Variants in LRRC8D observed in about 807,000 individuals in gnomAD.
LRRC8D encodes the protein volume-regulated anion channel subunit LRRC8D.
A neutral mutation model predicts 55.8 loss-of-function variants in LRRC8D; 20 were observed. The observed-to-expected ratio is 0.36, with a 90% confidence interval of 0.25 to 0.52. The LOEUF is 0.52. Ranked by LOEUF, LRRC8D falls within the 20% of genes least tolerant of loss-of-function variation. The probability of loss-of-function intolerance (pLI) is 0.93; values close to 1 mark genes in which losing one functional copy is unlikely to be tolerated. For synonymous variants in LRRC8D, 352 were observed against 377.0 expected (o/e 0.93, Z 0.77); for missense variants, 651 against 1,030.8 (o/e 0.63, Z 5.05).
intron 1 of LRRC8D, among the ~76,000 whole-genome samples, chr1:89,826,781 G>C (rs1660776041): frequency 1.3e-5 from 2 of 152,164 alleles, no homozygotes; most frequent in African/African-American, 4.8e-5. Context: ...GGAATTTCTA[G>C]GTTTGCAGAT....
rs1001957900 is a variant in LRRC8D, at chr1:89,843,719, G to A, written c.-66G>A. On this transcript the variant is annotated 5_prime_UTR_variant, in exon 2 of 3. Coordinates refer to ENST00000337338, the MANE Select transcript of LRRC8D (RefSeq NM_001134479.2). ...TCCTGTCGCCGTGGTTCCAGCCTCC[G>A]GAGCTCGCCCAAGCCGCGTCCCCAG... The A allele has an allele frequency of 1.4e-6, 1 of 701,642 alleles. No individual in the cohort carries two copies. The highest frequency in any genetic ancestry group is 2.7e-5 in the East Asian group (1 of 37,256). The allele number at this position is 701,642 out of a possible 1,614,324, so 43.5% of individuals were successfully genotyped here.
intron 2 of LRRC8D, among the ~76,000 whole-genome samples, chr1:89,872,936 A>C (rs1166894983): frequency 6.6e-6 from 1 of 152,246 alleles, no homozygotes; most frequent in Non-Finnish European, 1.5e-5. Flanking sequence ...GTTGAAATTA[A>C]GATAGCATCT....
intron 2 of LRRC8D, among the ~76,000 whole-genome samples, chr1:89,929,173 G>A (rs940354834): frequency 6.6e-6 from 1 of 152,222 alleles, no homozygotes; most frequent in Non-Finnish European, 1.5e-5. Flanking sequence ...TGTGATAAGG[G>A]CTGTGATGGG....
chr1:89,864,747 G>T (rs968610593), intron 2 of LRRC8D, among the ~76,000 whole-genome samples: 1 of 152,020 alleles, frequency 6.6e-6, no homozygotes, highest in Non-Finnish European at 1.5e-5. Context: ...AGACCTTGCC[G>T]CAGGAAACCT....
chr1:89,922,824 TAAACAAAG>T (rs1424669053), intron 2 of LRRC8D, among the ~76,000 whole-genome samples: 1 of 152,208 alleles, frequency 6.6e-6, no homozygotes, highest in Non-Finnish European at 1.5e-5. Flanking sequence ...GGCAGTAAAA[TAAACAAAG>T]GTTGAGATCT....
intron 1 of LRRC8D, among the ~76,000 whole-genome samples, chr1:89,840,502 C>T (rs368083157): frequency 3.1e-4 from 47 of 152,278 alleles, no homozygotes; most frequent in African/African-American, 1.0e-3. Flanking sequence ...GGCTGCCCTT[C>T]CCCCACAGCT....
chr1:89,895,174 C>A (rs1400567495), intron 2 of LRRC8D, among the ~76,000 whole-genome samples: 1 of 152,142 alleles, frequency 6.6e-6, no homozygotes, highest in African/African-American at 2.4e-5. Flanking sequence ...AATCAACATA[C>A]TGGGAACACA....
At chr1:89,843,436 G>A (rs1350939231) in intron 1 of LRRC8D, 1 of 374,078 alleles carries the variant, frequency 2.7e-6, no homozygotes, top group Non-Finnish European at 4.7e-6. Flanking sequence ...GGGGGCCCGG[G>A]CCGAGGCCGC....
intron 2 of LRRC8D, among the ~76,000 whole-genome samples, chr1:89,919,896 G>A (rs1663369128): frequency 6.6e-6 from 1 of 152,154 alleles, no homozygotes; most frequent in South Asian, 2.1e-4. Context: ...CTAGTAGAGG[G>A]TACACTAAGT....
intron 2 of LRRC8D, among the ~76,000 whole-genome samples, chr1:89,872,908 G>A (rs541589986): frequency 3.3e-5 from 5 of 152,182 alleles, no homozygotes; most frequent in African/African-American, 1.2e-4. Context: ...CACATGTTTA[G>A]GATAGGATTA....
rs186896194 is a variant in LRRC8D at position 89,839,185 on chromosome 1, C to T, written c.-147-4453C>T. Among the ~76,000 whole-genome samples, 95 of 152,342 alleles carry T rather than the reference C, an allele frequency of 6.2e-4. 1 individual carries two copies. Among genetic ancestry groups the T allele is most frequent in the African/African-American group, 2.2e-3 (93 of 41,580 alleles). On this transcript the variant is annotated intron_variant, in intron 1 of 2. Transcript: ENST00000337338. The stretch of plus-strand genomic sequence containing the variant: ...ACATCTGTGAGCCCTGCTGCTGCTT[C>T]TGTAACACATTAATAATGACACCTC...
chr1:89,856,354 A>G (rs1661553401), intron 2 of LRRC8D, among the ~76,000 whole-genome samples: 1 of 152,186 alleles, frequency 6.6e-6, no homozygotes, highest in Admixed American at 6.5e-5. Flanking sequence ...ACACACTCTC[A>G]GGTAAGGATA....
chr1:89,934,634 C>T lies in LRRC8D; in HGVS notation c.1566C>T (p.His522=). The T allele has an allele frequency of 6.2e-7, 1 of 1,614,204 alleles. No individual in the cohort carries two copies. Among genetic ancestry groups the T allele is most frequent in the East Asian group, 2.2e-5 (1 of 44,884 alleles). ...ACCTCCAAGAGCTCCACCTCTGCCA[C>T]TGCCCTGCAAAAGTTGAACAGACTG... is the stretch of plus-strand genomic sequence containing the variant. ...MTNLQELHLC[H]CPAKVEQTAF... Residue 522 remains histidine, a synonymous_variant, in exon 3 of 3, where the codon CAC becomes CAT. Coordinates refer to ENST00000337338, the MANE Select transcript of LRRC8D (RefSeq NM_001134479.2). The surrounding 1 kb of genome is among the most constrained non-coding windows in gnomAD (Gnocchi z 5.9).
At chr1:89,874,586 A>G (rs2100831940) in intron 2 of LRRC8D, among the ~76,000 whole-genome samples, 1 of 152,200 alleles carries the variant, frequency 6.6e-6, no homozygotes, top group South Asian at 2.1e-4. Context: ...ACCCATGCTT[A>G]GTAAGGATAG....
At chr1:89,901,974 G>T (rs546641804) in intron 2 of LRRC8D, among the ~76,000 whole-genome samples, 1 of 152,266 alleles carries the variant, frequency 6.6e-6, no homozygotes, top group South Asian at 2.1e-4. Context: ...CTCTGTACTG[G>T]CCTCATGTGT....
intron 2 of LRRC8D, among the ~76,000 whole-genome samples, chr1:89,853,147 G>A (rs1661464803): frequency 6.6e-6 from 1 of 152,172 alleles, no homozygotes; most frequent in South Asian, 2.1e-4. Context: ...GAAATGATTA[G>A]GAGAAATAAT....
chr1:89,882,036 G>T lies in LRRC8D; in HGVS notation c.-3+38254G>T, dbSNP rs143844065. Among the ~76,000 whole-genome samples the T allele has an allele frequency of 5.2e-3, 793 of 152,310 alleles. 5 individuals carry two copies. Among genetic ancestry groups the T allele is most frequent in the Non-Finnish European group, 8.9e-3 (603 of 68,022 alleles). Reference sequence around the variant, plus strand: ...TGAGGCCCTGCTCAGCAGAGCAGCTGCCAGAGAGAGGAAGATAAGGCCTCA... The same window carrying T: ...TGAGGCCCTGCTCAGCAGAGCAGCTTCCAGAGAGAGGAAGATAAGGCCTCA... On this transcript the variant is annotated intron_variant, in intron 2 of 2. Transcript: ENST00000337338.
intron 2 of LRRC8D, among the ~76,000 whole-genome samples, chr1:89,871,010 AG>A (rs1345108109): frequency 6.6e-6 from 1 of 152,214 alleles, no homozygotes; most frequent in African/African-American, 2.4e-5. Flanking sequence ...TCCTGGGATG[AG>A]GTACTTAGTA....
Position 89,934,235 on chromosome 1 carries a change from G to A in LRRC8D, c.1167G>A (p.Arg389=). The A allele has an allele frequency of 6.2e-7, 1 of 1,614,090 alleles. No individual in the cohort carries two copies. Among genetic ancestry groups the A allele is most frequent in the Non-Finnish European group, 8.5e-7 (1 of 1,180,012 alleles). The change falls in exon 3 of 3, where the codon AGG becomes AGA. Residue 389 remains arginine (R), a synonymous_variant. Coordinates refer to ENST00000337338, the MANE Select transcript of LRRC8D (RefSeq NM_001134479.2). The surrounding 1 kb of genome is among the most constrained non-coding windows in gnomAD (Gnocchi z 5.9). ...TCTACACTCTCTTCTGGTTATTCAG[G>A]ATACCTTTGAAGGAATATTCTTTCG... is the stretch of plus-strand genomic sequence containing the variant. ...ICLYTLFWLF[R]IPLKEYSFEK...
Sources: gnomAD v4.1 joint callset for allele counts (sites outside exome capture counted in the v4.1 genomes callset) on GRCh38, gnomAD v4.1.1 for gene constraint, Gnocchi (gnomAD v3.1) non-coding constraint, MANE v1.5 for transcripts, NCBI Gene and HGNC (gene_info 2026-07-23, HGNC 2026-07-21) for gene names.